Variants in CBFA2T2 observed in about 807,000 individuals in gnomAD.
CBFA2T2 encodes CBFA2/RUNX1 partner transcriptional co-repressor 2, also known as protein CBFA2T2.
In CBFA2T2, 11 loss-of-function variants were observed where a neutral mutation model predicts 62.2. The observed-to-expected ratio is 0.18, with a 90% CI of 0.11 to 0.29. The LOEUF is 0.29. Ranked by LOEUF, CBFA2T2 falls within the 10% of genes least tolerant of loss-of-function variation. The pLI is 1.00. For synonymous variants in CBFA2T2, 295 were observed against 287.5 expected (o/e 1.03, Z -0.27); for missense variants, 592 against 774.1 (o/e 0.76, Z 2.79).
intron 1 of CBFA2T2, among the ~76,000 whole-genome samples, chr20:33,558,209 G>A (rs2146890066): frequency 6.6e-6 from 1 of 151,296 alleles, no homozygotes; most frequent in East Asian, 1.9e-4. Context: ...ATGGCTCACT[G>A]CAACCTCCGC....
rs1159324712 is a variant in CBFA2T2 at position 33,624,978 on chromosome 20, C to G, written c.907C>G (p.Leu303Val). 6.2e-6 allele frequency: 10 copies of G among 1,614,136 alleles called. No individual in the cohort carries two copies. Among genetic ancestry groups the G allele is most frequent in the Non-Finnish European group, 7.6e-6 (9 of 1,179,998 alleles). The change falls in exon 6 of 11, where the codon CTA becomes GTA. Residue 303 changes from leucine (L) to valine (V), a missense_variant. Leu to Val is a conservative substitution (Grantham distance 32, BLOSUM62 1). Coordinates refer to ENST00000342704, the MANE Select transcript of CBFA2T2 (RefSeq NM_001032999.3). ...CCTGTATCGGGAACCCAACAAGATG[C>G]TAGAGCATCGAGAAGTTCGTGATAG... ...SHLYREPNKM[L>V]EHREVRDRHH...
intron 1 of CBFA2T2, among the ~76,000 whole-genome samples, chr20:33,526,347 C>T (rs1006689912): frequency 2.6e-5 from 4 of 152,140 alleles, no homozygotes; most frequent in African/African-American, 7.2e-5. Flanking sequence ...GATCTACTGA[C>T]AAAAATGTGA....
In CBFA2T2 at chr20:33,574,131, TG is replaced by T; in HGVS notation, c.35-32823del. The T allele has an allele frequency of 1.1e-5, 17 of 1,594,994 alleles. No homozygotes were observed. The South Asian group carries it at 1.5e-4, about 15-fold the overall frequency. On this transcript the variant is annotated intron_variant, in intron 1 of 10. Transcript: ENST00000342704. ...TGAAGATTGAGGATGGTAGTTTTTG[TG>T]GAGCACAATCCTGACTGTACCTGTG...
intron 1 of CBFA2T2, among the ~76,000 whole-genome samples, chr20:33,517,699 T>C (rs1200574196): frequency 6.6e-6 from 1 of 151,578 alleles, no homozygotes; most frequent in Non-Finnish European, 1.5e-5. Context: ...CTTTTTTTTT[T>C]TTTTTGAAGA....
intron 7 of CBFA2T2, 94 bp from the exon 8 acceptor site, chr20:33,629,625 A>C: frequency 8.9e-7 from 1 of 1,119,382 alleles, no homozygotes; most frequent in Non-Finnish European, 1.3e-6. Context: ...TACTTTAAGG[A>C]ACCTGAATTC....
In CBFA2T2 at chr20:33,616,083, A is replaced by G. The variant is rs556265213; in HGVS notation, c.421-3434A>G. On this transcript the variant is annotated intron_variant, in intron 3 of 10. Transcript: ENST00000342704. ...AAAGCAATACTCTGTAGATAGAGAT[A>G]GATAGATAGATAGATAGATAGATAG... is the stretch of plus-strand genomic sequence containing the variant. 5.5e-3 allele frequency among the ~76,000 whole-genome samples: 382 copies of G among 69,244 alleles called. 1 individual carries two copies. Among genetic ancestry groups the G allele is most frequent in the African/African-American group, 0.02 (374 of 18,798 alleles). The allele number at this position is 69,244 out of a possible 152,430, so 45.4% of individuals were successfully genotyped here. A position where few individuals can be genotyped will look rare whatever the true frequency, so the allele number is the denominator to read the frequency against.
intron 1 of CBFA2T2, among the ~76,000 whole-genome samples, chr20:33,580,919 A>G (rs1174594221): frequency 6.6e-6 from 1 of 152,172 alleles, no homozygotes; most frequent in Non-Finnish European, 1.5e-5. Context: ...CAGTATACAG[A>G]TAACATTGCT....
chr20:33,623,432 G>A (rs966975443), intron 5 of CBFA2T2, 136 bp downstream of exon 5: 46 of 985,178 alleles, frequency 4.7e-5, no homozygotes, highest in Admixed American at 8.8e-5. Flanking sequence ...TGGCTCTGTC[G>A]CCCAGACTGG....
chr20:33,547,883 T>A (rs2012626405), intron 1 of CBFA2T2, among the ~76,000 whole-genome samples: 1 of 152,184 alleles, frequency 6.6e-6, no homozygotes, highest in Non-Finnish European at 1.5e-5. Context: ...TAATTTTTAT[T>A]TATAAAACCA....
intron 1 of CBFA2T2, among the ~76,000 whole-genome samples, chr20:33,550,498 C>T (rs2012709125): frequency 2.0e-5 from 3 of 152,126 alleles, no homozygotes; most frequent in African/African-American, 7.2e-5. Flanking sequence ...AATTTATTTA[C>T]CCAACAAATA....
intron 10 of CBFA2T2, among the ~76,000 whole-genome samples, chr20:33,643,888 C>T (rs1318983132): frequency 1.4e-5 from 2 of 139,522 alleles, no homozygotes; most frequent in South Asian, 4.6e-4. Context: ...AAAAATTAGC[C>T]AGGCATGGTG....
chr20:33,607,747 A>G (rs1263250735), intron 2 of CBFA2T2, among the ~76,000 whole-genome samples: 1 of 152,144 alleles, frequency 6.6e-6, no homozygotes, highest in Non-Finnish European at 1.5e-5. Flanking sequence ...ACTACTCATA[A>G]TACCTCTTTT....
chr20:33,557,225 G>T (rs971579083), intron 1 of CBFA2T2, among the ~76,000 whole-genome samples: 5 of 151,758 alleles, frequency 3.3e-5, no homozygotes, highest in African/African-American at 1.2e-4. Context: ...ATGTTGGCCA[G>T]GCTGGTCTCG....
intron 1 of CBFA2T2, among the ~76,000 whole-genome samples, chr20:33,602,313 AT>A (rs1363309656): frequency 1.3e-5 from 2 of 151,230 alleles, no homozygotes; most frequent in Non-Finnish European, 2.9e-5. Flanking sequence ...TTGCCTCAAC[AT>A]GCTTTCTCCT....
intron 1 of CBFA2T2, among the ~76,000 whole-genome samples, chr20:33,562,168 A>G (rs974193837): frequency 6.6e-6 from 1 of 152,190 alleles, no homozygotes; most frequent in African/African-American, 2.4e-5. Context: ...GTGTTATTCC[A>G]CTAGGGATTT....
chr20:33,536,244 G>A (rs540945350), intron 1 of CBFA2T2, among the ~76,000 whole-genome samples: 42 of 147,602 alleles, frequency 2.8e-4, no homozygotes, highest in Middle Eastern at 3.6e-3. Flanking sequence ...CAGTAGGGGC[G>A]GCCGGGCAGA....
chr20:33,636,614 C>G lies in CBFA2T2; in HGVS notation c.1229-26C>G, dbSNP rs74866803. 4.3e-3 allele frequency: 6,817 copies of G among 1,586,630 alleles called. 243 individuals are homozygous for G. In the African/African-American group the frequency reaches 0.079, roughly 18 times the overall value. On this transcript the variant is annotated intron_variant, in intron 8 of 10. Transcript: ENST00000342704. ...TGCTGATCATAGACAGCTTCTGACC[C>G]TATGCTTTTTATGTCTCTTCTGCAG...
intron 1 of CBFA2T2, among the ~76,000 whole-genome samples, chr20:33,498,706 C>T (rs1397369377): frequency 6.6e-6 from 1 of 151,942 alleles, no homozygotes; most frequent in Non-Finnish European, 1.5e-5. Context: ...AGTGCCACTG[C>T]ACTCCAGCCT....
chr20:33,518,759 C>T (rs1324854940), intron 1 of CBFA2T2, among the ~76,000 whole-genome samples: 9 of 148,928 alleles, frequency 6.0e-5, no homozygotes, highest in Non-Finnish European at 7.4e-5. Flanking sequence ...GCAACAAGAG[C>T]GAAACTCCTT....
Sources: allele counts gnomAD v4.1 joint callset (sites outside exome capture counted in the v4.1 genomes callset), GRCh38; gene constraint gnomAD v4.1.1; transcripts MANE v1.5; gene names NCBI Gene and HGNC (gene_info 2026-07-23, HGNC 2026-07-21).